The following PCOLCE2 variants were observed in gnomAD, a reference collection of about 807,000 sequenced individuals.
PCOLCE2 encodes the protein procollagen C-endopeptidase enhancer 2, also known as procollagen C-proteinase enhancer 2.
In PCOLCE2, 42 loss-of-function variants were observed where a neutral mutation model predicts 47.0. The ratio of observed to expected loss-of-function variants is 0.89; its 90% CI spans 0.70 to 1.16. The LOEUF (loss-of-function observed/expected upper bound fraction) is 1.16, where lower values mean the gene tolerates loss of function less well. PCOLCE2 is among the 50% of genes most tolerant of loss of function. The probability of loss-of-function intolerance (pLI) is 0.00; values close to 1 mark genes in which losing one functional copy is unlikely to be tolerated. For missense variants in PCOLCE2, 500 were observed against 526.1 expected, an observed-to-expected ratio of 0.95 and a Z score of 0.49; for synonymous variants, 169 against 191.7, an observed-to-expected ratio of 0.88 and a Z score of 0.98.
At chr3:142,835,869 C>G (rs1937197654) in intron 5 of PCOLCE2, among the ~76,000 whole-genome samples, 2 of 152,302 alleles carry the variant, frequency 1.3e-5, no homozygotes, top group South Asian at 4.1e-4. Context: ...GTGTCAAATT[C>G]CTGGGCTCAA....
intron 2 of PCOLCE2, among the ~76,000 whole-genome samples, chr3:142,886,391 C>CGCCTGT (rs1933719152): frequency 1.3e-5 from 2 of 151,794 alleles, no homozygotes; most frequent in Admixed American, 6.6e-5. Context: ...ACAATCACGA[C>CGCCTGT]ATGAAAATCA....
chr3:142,873,431 A>C (rs1341623111), intron 2 of PCOLCE2, among the ~76,000 whole-genome samples: 1 of 151,966 alleles, frequency 6.6e-6, no homozygotes, highest in African/African-American at 2.4e-5. Context: ...TTTAAAGTTA[A>C]CTACCTATAT....
At chr3:142,862,932 G>A (rs1053581793) in intron 2 of PCOLCE2, among the ~76,000 whole-genome samples, 3 of 151,792 alleles carry the variant, frequency 2.0e-5, no homozygotes, top group African/African-American at 7.3e-5. Context: ...TTGTGCTTAA[G>A]GGAATATTTT....
At chr3:142,862,646 A>G (rs893259376) in intron 2 of PCOLCE2, among the ~76,000 whole-genome samples, 3 of 152,198 alleles carry the variant, frequency 2.0e-5, no homozygotes, top group African/African-American at 7.2e-5. Context: ...TTTGTAGGTT[A>G]TCTAGAAGAC....
intron 1 of PCOLCE2, among the ~76,000 whole-genome samples, chr3:142,888,440 G>C (rs1237032288): frequency 2.0e-5 from 3 of 152,196 alleles, no homozygotes; most frequent in South Asian, 2.1e-4. Flanking sequence ...AAGCCTCTCG[G>C]GGAAGGAAAA....
chr3:142,847,876 A>C (rs1462713231), intron 3 of PCOLCE2, among the ~76,000 whole-genome samples: 2 of 152,196 alleles, frequency 1.3e-5, no homozygotes, highest in Non-Finnish European at 2.9e-5. Context: ...AAGTACTCAA[A>C]TAAAAGCAAG....
chr3:142,840,739 T>C (rs1345638251), intron 4 of PCOLCE2, among the ~76,000 whole-genome samples: 1 of 152,162 alleles, frequency 6.6e-6, no homozygotes, highest in Non-Finnish European at 1.5e-5. Flanking sequence ...ATAAAATGCT[T>C]TCCAGGTTAT....
intron 2 of PCOLCE2, among the ~76,000 whole-genome samples, chr3:142,857,361 A>T (rs1369829378): frequency 6.6e-6 from 1 of 152,200 alleles, no homozygotes; most frequent in East Asian, 1.9e-4. Context: ...AAGGAGAGAC[A>T]GGTTATCACT....
At chr3:142,860,032 G>C (rs1933149833) in intron 2 of PCOLCE2, among the ~76,000 whole-genome samples, 1 of 151,936 alleles carries the variant, frequency 6.6e-6, no homozygotes, top group Admixed American at 6.5e-5. Flanking sequence ...AGAACAAATT[G>C]TTTTTAAATC....
chr3:142,835,360 G>A (rs1264569505), intron 5 of PCOLCE2, among the ~76,000 whole-genome samples: 1 of 151,982 alleles, frequency 6.6e-6, no homozygotes, highest in Non-Finnish European at 1.5e-5. Flanking sequence ...AATGCTTTCT[G>A]CCTAAAATTG....
chr3:142,827,200 G>A (rs1213550784), intron 6 of PCOLCE2: 16 of 1,279,728 alleles, frequency 1.3e-5, no homozygotes, highest in African/African-American at 4.4e-5. Flanking sequence ...CTGAGATGGC[G>A]GAGGGGATGC....
chr3:142,823,439 C>T lies in PCOLCE2; in HGVS notation c.949+93G>A, dbSNP rs532829725. 5.3e-6 allele frequency: 4 copies of T among 751,630 alleles called. No individual in the cohort carries two copies. In the Admixed American group the frequency reaches 6.8e-5, roughly 13 times the overall value. The allele number at this position is 751,630 out of a possible 1,614,324, so 46.6% of individuals were successfully genotyped here. On this transcript the variant is annotated intron_variant, in intron 7 of 8. Transcript: ENST00000295992. ...TGGATAAATGAGCAGCGTTATTGACCCTTCACCATAAATTCATAGGAATTC... is the reference window on the plus strand; with the variant it reads ...TGGATAAATGAGCAGCGTTATTGACTCTTCACCATAAATTCATAGGAATTC...
chr3:142,829,635 AG>A, intron 6 of PCOLCE2, 56 bp downstream of exon 6: 1 of 1,332,188 alleles, frequency 7.5e-7, no homozygotes, highest in Non-Finnish European at 1.0e-6. Flanking sequence ...CTACTTTAAA[AG>A]AATTCTTCTT....
chr3:142,843,015 G>A lies in PCOLCE2; in HGVS notation c.482C>T (p.Pro161Leu). The A allele has an allele frequency of 6.2e-7, 1 of 1,613,818 alleles. No homozygotes were observed. The highest frequency in any genetic ancestry group is 8.5e-7 in the Non-Finnish European group (1 of 1,179,746). Residue 161 changes from proline to leucine, a missense_variant, in exon 4 of 9, where the codon CCT becomes CTT. By Grantham distance (98) the Pro-to-Leu change is moderately conservative. Transcript: ENST00000295992. ...DQYCGGLLDR[P>L]SGSFKTPNWP... Reference sequence around the variant, plus strand: ...GTTGGGGGTTTTAAAAGAGCCGGAAGGTCTGTCAAGGAGTCCTCCACAATA... The same window carrying A: ...GTTGGGGGTTTTAAAAGAGCCGGAAAGTCTGTCAAGGAGTCCTCCACAATA...
At chr3:142,853,075 C>G (rs370171248) in intron 2 of PCOLCE2, among the ~76,000 whole-genome samples, 8 of 148,706 alleles carry the variant, frequency 5.4e-5, no homozygotes, top group African/African-American at 2.0e-4. Context: ...TGTACTCTAG[C>G]CTGGAGAATA....
intron 2 of PCOLCE2, among the ~76,000 whole-genome samples, chr3:142,875,768 C>T (rs1933484861): frequency 6.6e-6 from 1 of 152,120 alleles, no homozygotes; most frequent in African/African-American, 2.4e-5. Context: ...GAACCCAAGG[C>T]AACATTACTC....
chr3:142,888,547 C>T (rs1305463553), intron 1 of PCOLCE2: 1 of 384,312 alleles, frequency 2.6e-6, no homozygotes, highest in Non-Finnish European at 4.6e-6. Flanking sequence ...CAGATTAAGC[C>T]CCGCCACGTG....
chr3:142,870,706 A>ATTTTTTTTTTTTTTTTTTTTTTTT (rs200280430), intron 2 of PCOLCE2, among the ~76,000 whole-genome samples: 1 of 135,386 alleles, frequency 7.4e-6, no homozygotes, highest in African/African-American at 2.8e-5. Context: ...GAATGAGGCA[A>ATTTTTTTTTTTTTTTTTTTTTTTT]TTTTTTTTTT....
Position 142,837,190 on chromosome 3 carries a change from A to G in PCOLCE2, c.710+1580T>C, listed in dbSNP as rs756159171. Among the ~76,000 whole-genome samples the G allele has an allele frequency of 3.4e-4, 52 of 152,388 alleles. 1 individual carries two copies. Among genetic ancestry groups the G allele is most frequent in the Middle Eastern group, 6.8e-3 (2 of 294 alleles). ...TAGAAGCAGGAAAAGCCAAGGAAAC[A>G]GATTCCCTTTCAGAGCTTTCAGAAG... On this transcript the variant is annotated intron_variant, in intron 5 of 8. Coordinates refer to ENST00000295992, the MANE Select transcript of PCOLCE2 (RefSeq NM_013363.4).
Sources: gnomAD v4.1 joint callset for allele counts (sites outside exome capture counted in the v4.1 genomes callset) on GRCh38, gnomAD v4.1.1 for gene constraint, MANE v1.5 for transcripts, NCBI Gene and HGNC (gene_info 2026-07-23, HGNC 2026-07-21) for gene names.